The following PTPRK variants were observed in gnomAD, a reference collection of about 807,000 sequenced individuals.
The protein encoded by PTPRK is receptor-type tyrosine-protein phosphatase kappa.
A neutral mutation model predicts 178.0 loss-of-function variants in PTPRK; 75 were observed. The observed-to-expected ratio is 0.42, with a 90% CI of 0.35 to 0.51. The LOEUF (loss-of-function observed/expected upper bound fraction) is 0.51. PTPRK is among the 20% of genes least tolerant of loss of function. The pLI, the probability that PTPRK is intolerant of heterozygous loss-of-function variation, is 0.02. For missense variants in PTPRK, 1,441 were observed against 1,797.8 expected (o/e 0.80, Z 3.59); for synonymous variants, 637 against 620.6 (o/e 1.03, Z -0.39).
chr6:128,293,875 G>T (rs918401117), intron 3 of PTPRK, among the ~76,000 whole-genome samples: 1 of 151,986 alleles, frequency 6.6e-6, no homozygotes, highest in Non-Finnish European at 1.5e-5. Context: ...AGAGACACAC[G>T]ATCATATCAT....
intron 2 of PTPRK, among the ~76,000 whole-genome samples, chr6:128,349,575 G>A (rs551807463): frequency 3.0e-4 from 45 of 151,840 alleles, no homozygotes; most frequent in African/African-American, 1.0e-3. Context: ...AAACAAGCCA[G>A]CATATCCTCA....
intron 6 of PTPRK, among the ~76,000 whole-genome samples, chr6:128,207,976 A>C (rs1562791861): frequency 6.6e-6 from 1 of 151,030 alleles, no homozygotes; most frequent in Non-Finnish European, 1.5e-5. Flanking sequence ...TCTCGGTGGC[A>C]GATTGGGATT....
intron 7 of PTPRK, among the ~76,000 whole-genome samples, chr6:128,114,043 C>T (rs1475737434): frequency 6.6e-6 from 1 of 151,970 alleles, no homozygotes; most frequent in Non-Finnish European, 1.5e-5. Flanking sequence ...GAAGAAAGAC[C>T]ATTTGAGTTG....
At chr6:128,267,510 A>G (rs958947808) in intron 3 of PTPRK, among the ~76,000 whole-genome samples, 10 of 152,094 alleles carry the variant, frequency 6.6e-5, no homozygotes, top group African/African-American at 2.4e-4. Flanking sequence ...TTTTATTTTA[A>G]CTGGATTTGA....
intron 2 of PTPRK, among the ~76,000 whole-genome samples, chr6:128,395,113 T>C (rs1339524746): frequency 6.6e-6 from 1 of 152,122 alleles, no homozygotes; most frequent in Non-Finnish European, 1.5e-5. Context: ...AAATGTCTCC[T>C]TTACACCAAT....
At chr6:127,983,072 T>G (rs1775536726) in intron 23 of PTPRK, 92 bp from the exon 24 acceptor site, 1 of 1,390,782 alleles carries the variant, frequency 7.2e-7, no homozygotes, top group Non-Finnish European at 9.8e-7. Flanking sequence ...TTTCTCTATA[T>G]GGAAATATGA....
chr6:128,143,302 T>C (rs1252754252), intron 7 of PTPRK, among the ~76,000 whole-genome samples: 1 of 152,074 alleles, frequency 6.6e-6, no homozygotes, highest in Non-Finnish European at 1.5e-5. Flanking sequence ...TCACCATATA[T>C]AGAAAAGGAA....
chr6:128,219,846 G>A (rs1810077507), intron 5 of PTPRK, among the ~76,000 whole-genome samples: 1 of 152,192 alleles, frequency 6.6e-6, no homozygotes, highest in South Asian at 2.1e-4. Flanking sequence ...TATTCCAAAT[G>A]TGTAGCATGT....
chr6:128,284,349 GC>G lies in PTPRK; in HGVS notation c.495+37689del, dbSNP rs111560067. On this transcript the variant is annotated intron_variant, in intron 3 of 29. Transcript: ENST00000368226. Reference sequence around the variant, plus strand: ...TTCCACCTCCATGCTCAGCACCCTGGCCCCCAGCCACCCTTCACAATCAGGG... The same window carrying G: ...TTCCACCTCCATGCTCAGCACCCTGGCCCCAGCCACCCTTCACAATCAGGG... 6.3e-3 allele frequency among the ~76,000 whole-genome samples: 957 copies of G among 152,196 alleles called. 13 individuals carry two copies. Among genetic ancestry groups the G allele is most frequent in the African/African-American group, 0.022 (916 of 41,518 alleles).
chr6:128,179,627 C>T (rs1438002935), intron 7 of PTPRK, among the ~76,000 whole-genome samples: 1 of 151,918 alleles, frequency 6.6e-6, no homozygotes, highest in Non-Finnish European at 1.5e-5. Context: ...AATAGTAAGT[C>T]ATCCTTACAT....
intron 13 of PTPRK, among the ~76,000 whole-genome samples, chr6:128,053,445 C>T (rs1779387688): frequency 6.6e-6 from 1 of 152,080 alleles, no homozygotes; most frequent in African/African-American, 2.4e-5. Flanking sequence ...GTCTGACTCC[C>T]CACCCCCAAG....
intron 3 of PTPRK, among the ~76,000 whole-genome samples, chr6:128,278,128 TTTATTTATTTA>T (rs1821039945): frequency 1.3e-5 from 1 of 76,710 alleles, no homozygotes; most frequent in Non-Finnish European, 2.4e-5. Flanking sequence ...GTGTTTTTTA[TTTATTTATTTA>T]TTTATTTATT....
intron 3 of PTPRK, among the ~76,000 whole-genome samples, chr6:128,304,541 T>C (rs1826097292): frequency 6.6e-6 from 1 of 152,236 alleles, no homozygotes; most frequent in Non-Finnish European, 1.5e-5. Flanking sequence ...CTGTGTGTGA[T>C]ATGTGCAAAT....
At chr6:128,080,270 T>C (rs1057496257) in intron 10 of PTPRK, among the ~76,000 whole-genome samples, 1 of 151,786 alleles carries the variant, frequency 6.6e-6, no homozygotes, top group Non-Finnish European at 1.5e-5. Flanking sequence ...TGGGGAGAAG[T>C]AGAGGATGGG....
chr6:128,229,807 C>T (rs1811998215), intron 5 of PTPRK, among the ~76,000 whole-genome samples: 1 of 152,148 alleles, frequency 6.6e-6, no homozygotes, highest in African/African-American at 2.4e-5. Flanking sequence ...AGTAAGTCAT[C>T]TTTGCAGGAT....
At chr6:128,286,149 C>A (rs1165983071) in intron 3 of PTPRK, among the ~76,000 whole-genome samples, 1 of 152,130 alleles carries the variant, frequency 6.6e-6, no homozygotes, top group Non-Finnish European at 1.5e-5. Flanking sequence ...TCTCTAACTG[C>A]TTTTAAAATT....
At chr6:128,435,422 T>A (rs570760042) in intron 1 of PTPRK, among the ~76,000 whole-genome samples, 1 of 152,076 alleles carries the variant, frequency 6.6e-6, no homozygotes, top group Non-Finnish European at 1.5e-5. Context: ...ATAAATAATG[T>A]GGAATTACTT....
intron 2 of PTPRK, among the ~76,000 whole-genome samples, chr6:128,390,350 G>A (rs923536379): frequency 6.6e-6 from 1 of 152,122 alleles, no homozygotes; most frequent in African/African-American, 2.4e-5. Context: ...GAAGGGCAAA[G>A]CGTCTCCCCA....
At chr6:128,392,116 T>C (rs1469808077) in intron 2 of PTPRK, among the ~76,000 whole-genome samples, 1 of 152,146 alleles carries the variant, frequency 6.6e-6, no homozygotes, top group Non-Finnish European at 1.5e-5. Flanking sequence ...CCTTTCTGTA[T>C]ACCACCTGGC....
Sources: gnomAD v4.1 joint callset for allele counts (sites outside exome capture counted in the v4.1 genomes callset) on GRCh38, gnomAD v4.1.1 for gene constraint, MANE v1.5 for transcripts, NCBI Gene and HGNC (gene_info 2026-07-23, HGNC 2026-07-21) for gene names.